Variants in CMIP observed in about 807,000 individuals in gnomAD.
CMIP encodes C-Maf-inducing protein.
A neutral mutation model predicts 97.3 loss-of-function variants in CMIP; 13 were observed. The ratio of observed to expected loss-of-function variants is 0.13; its 90% CI spans 0.09 to 0.21. CMIP has a LOEUF of 0.21. Among genes scored for constraint, CMIP ranks in the 10% least tolerant of loss-of-function variants. The probability of loss-of-function intolerance (pLI) is 1.00; values close to 1 mark genes in which losing one functional copy is unlikely to be tolerated. For synonymous variants in CMIP, 538 were observed against 436.3 expected, an observed-to-expected ratio of 1.23 and a Z score of -2.91; for missense variants, 847 against 1,024.9, an observed-to-expected ratio of 0.83 and a Z score of 2.37.
At chr16:81,503,492 G>A (rs1488573922) in intron 1 of CMIP, among the ~76,000 whole-genome samples, 1 of 152,078 alleles carries the variant, frequency 6.6e-6, no homozygotes, top group African/African-American at 2.4e-5. Context: ...GACCCCCCAG[G>A]CTCAAGCCAT....
intron 10 of CMIP, among the ~76,000 whole-genome samples, chr16:81,681,980 G>C (rs950614251): frequency 6.7e-6 from 1 of 150,030 alleles, no homozygotes; most frequent in Non-Finnish European, 1.5e-5. Flanking sequence ...AGGCCGAGGC[G>C]GGGGAATTAC....
intron 1 of CMIP, among the ~76,000 whole-genome samples, chr16:81,543,347 G>A (rs965203661): frequency 6.6e-6 from 1 of 152,146 alleles, no homozygotes; most frequent in Non-Finnish European, 1.5e-5. Flanking sequence ...TGTTGGTCCC[G>A]TGAGAACATT....
At chr16:81,631,246 C>G (rs568046461) in intron 3 of CMIP, 3 of 152,426 alleles carry the variant, frequency 2.0e-5, no homozygotes, top group African/African-American at 7.2e-5. Flanking sequence ...TGTCTTGAAG[C>G]AGGAGCTGAG....
At chr16:81,470,670 C>A (rs572505605) in intron 1 of CMIP, among the ~76,000 whole-genome samples, 5 of 152,346 alleles carry the variant, frequency 3.3e-5, no homozygotes, top group South Asian at 4.1e-4. Flanking sequence ...GTTTCCCAGG[C>A]TGGTCTTGAG....
intron 1 of CMIP, among the ~76,000 whole-genome samples, chr16:81,592,583 C>T (rs930691977): frequency 2.6e-5 from 4 of 152,208 alleles, no homozygotes; most frequent in African/African-American, 9.7e-5. Flanking sequence ...ACCCTCCGCT[C>T]ACCCTGCTCA....
chr16:81,602,744 A>C (rs753134452), intron 1 of CMIP, among the ~76,000 whole-genome samples: 3 of 152,232 alleles, frequency 2.0e-5, no homozygotes, highest in South Asian at 4.1e-4. Flanking sequence ...TTAGCTGTAC[A>C]TCTTAGAGCA....
At chr16:81,554,175 T>G (rs1008961769) in intron 1 of CMIP, among the ~76,000 whole-genome samples, 1 of 152,252 alleles carries the variant, frequency 6.6e-6, no homozygotes, top group African/African-American at 2.4e-5. Flanking sequence ...CAGTGCCTGA[T>G]AAATGTATGT....
At chr16:81,692,494 G>C (rs1906202715) in intron 11 of CMIP, among the ~76,000 whole-genome samples, 1 of 152,234 alleles carries the variant, frequency 6.6e-6, no homozygotes, top group Admixed American at 6.5e-5. Flanking sequence ...TCAAGAGGTT[G>C]GAAGGAGCAA....
At chr16:81,585,377 T>C (rs1293415075) in intron 1 of CMIP, among the ~76,000 whole-genome samples, 1 of 152,172 alleles carries the variant, frequency 6.6e-6, no homozygotes, top group Non-Finnish European at 1.5e-5. Context: ...TTTGGTGGCA[T>C]TTAGTACATT....
At chr16:81,661,085 G>A in intron 6 of CMIP, 139 bp downstream of exon 6, 1 of 982,600 alleles carries the variant, frequency 1.0e-6, no homozygotes. Flanking sequence ...CAGGCGGAGA[G>A]GGCATGCCCG....
intron 1 of CMIP, among the ~76,000 whole-genome samples, chr16:81,545,247 T>A (rs2090524162): frequency 6.6e-6 from 1 of 152,226 alleles, no homozygotes; most frequent in Non-Finnish European, 1.5e-5. Context: ...GGTGTTTGAT[T>A]TAATGCATTC....
At chr16:81,532,519 C>T (rs1276311160) in intron 1 of CMIP, among the ~76,000 whole-genome samples, 1 of 151,852 alleles carries the variant, frequency 6.6e-6, no homozygotes, top group East Asian at 1.9e-4. Flanking sequence ...TGAGCCTCCC[C>T]AGGGACTAGC....
At chr16:81,644,815 G>T (rs1426076011) in intron 3 of CMIP, among the ~76,000 whole-genome samples, 1 of 152,202 alleles carries the variant, frequency 6.6e-6, no homozygotes, top group Non-Finnish European at 1.5e-5. Context: ...CCAAGGCAGG[G>T]TCCCAGTGAG....
intron 1 of CMIP, among the ~76,000 whole-genome samples, chr16:81,559,875 T>C (rs1204493162): frequency 2.0e-5 from 3 of 152,150 alleles, no homozygotes; most frequent in African/African-American, 7.2e-5. Flanking sequence ...GGGCTGGGCG[T>C]GGTGGCTCAT....
At chr16:81,538,585 T>A (rs143591435) in intron 1 of CMIP, among the ~76,000 whole-genome samples, 155 of 152,352 alleles carry the variant, frequency 1.0e-3, no homozygotes, top group Middle Eastern at 3.4e-3. Flanking sequence ...TACCATTTTA[T>A]AAGATTTTCT....
chr16:81,663,827 G>T (rs1337006408), intron 6 of CMIP, among the ~76,000 whole-genome samples: 1 of 152,116 alleles, frequency 6.6e-6, no homozygotes, highest in South Asian at 2.1e-4. Flanking sequence ...CCCTGCCCAG[G>T]GAGTCCTCTG....
At chr16:81,535,961 G>A (rs1047160991) in intron 1 of CMIP, among the ~76,000 whole-genome samples, 11 of 152,176 alleles carry the variant, frequency 7.2e-5, no homozygotes, top group African/African-American at 2.7e-4. Context: ...CCCAGAGAGA[G>A]TCGTGTCACC....
chr16:81,648,784 GAAAAAAAAAAAA>G (rs6145916), intron 3 of CMIP, among the ~76,000 whole-genome samples: 6 of 75,738 alleles, frequency 7.9e-5, no homozygotes, highest in African/African-American at 1.2e-4. Context: ...CTCTGTCTCA[GAAAAAAAAAAAA>G]AAAAAAAAAA....
At chr16:81,605,819 G>C (rs2091734601) in intron 1 of CMIP, among the ~76,000 whole-genome samples, 3 of 152,214 alleles carry the variant, frequency 2.0e-5, no homozygotes, top group Admixed American at 2.0e-4. Context: ...CTAAGCTCCT[G>C]TCTTATTCAC....
Sources: allele counts gnomAD v4.1 joint callset (sites outside exome capture counted in the v4.1 genomes callset), GRCh38; gene constraint gnomAD v4.1.1; transcripts MANE v1.5; gene names NCBI Gene and HGNC (gene_info 2026-07-23, HGNC 2026-07-21).